The following ARSG variants were observed in gnomAD, a reference collection of about 807,000 sequenced individuals.
The protein encoded by ARSG is arylsulfatase G.
A neutral mutation model predicts 50.5 loss-of-function variants in ARSG; 37 were observed. That is an observed-to-expected ratio of 0.73 (90% CI 0.56 to 0.96). The LOEUF (loss-of-function observed/expected upper bound fraction) is 0.96. Among genes scored for constraint, ARSG ranks in the 50% least tolerant of loss-of-function variants. The probability of loss-of-function intolerance (pLI) is 0.00; values close to 1 mark genes in which losing one functional copy is unlikely to be tolerated. For missense variants in ARSG, 629 were observed against 675.3 expected (o/e 0.93, Z 0.76); for synonymous variants, 225 against 254.6 (o/e 0.88, Z 1.11).
upstream of ARSG, among the ~76,000 whole-genome samples, chr17:68,287,338 T>C (rs1478851997): frequency 6.6e-6 from 1 of 151,956 alleles, no homozygotes. Flanking sequence ...CTTTTTTTTT[T>C]TAATAGAGAC....
chr17:68,427,927 T>A, the ARSG span, among the ~76,000 whole-genome samples: 3 of 152,202 alleles, frequency 2.0e-5, no homozygotes, highest in Admixed American at 6.5e-5. Flanking sequence ...TCTCACTCTG[T>A]TGCCCAGGCT....
chr17:68,275,060 G>A (rs1201345750), intron 1 of ARSG, among the ~76,000 whole-genome samples: 16 of 152,210 alleles, frequency 1.1e-4, no homozygotes, highest in Non-Finnish European at 2.2e-4. Context: ...GATTACAGGC[G>A]TGAGCCACCG....
chr17:68,435,786 T>A, the ARSG span: 2 of 1,356,004 alleles, frequency 1.5e-6, no homozygotes, highest in Non-Finnish European at 2.1e-6. Flanking sequence ...CTCCCCTTCC[T>A]CTTTTCTCCT....
chr17:68,436,521 G>A, the ARSG span: 1 of 1,585,856 alleles, frequency 6.3e-7, no homozygotes, highest in Non-Finnish European at 8.7e-7. Context: ...TGGGGCCAAG[G>A]GAGAGATTGC....
At chr17:68,437,016 A>ATATATATATGTG in the ARSG span, among the ~76,000 whole-genome samples, 2 of 144,578 alleles carry the variant, frequency 1.4e-5, no homozygotes, top group Non-Finnish European at 3.0e-5. Flanking sequence ...ATATATATAT[A>ATATATATATGTG]TGTGTGTGTG....
chr17:68,265,168 A>G (rs532795516), intron 1 of ARSG, among the ~76,000 whole-genome samples: 37 of 151,324 alleles, frequency 2.4e-4, no homozygotes, highest in South Asian at 6.3e-4. Flanking sequence ...AAAAAAAAAA[A>G]AAAAGAAAAA....
At chr17:68,338,990 T>G (rs1035725401) in intron 2 of ARSG, among the ~76,000 whole-genome samples, 1 of 152,218 alleles carries the variant, frequency 6.6e-6, no homozygotes, top group African/African-American at 2.4e-5. Flanking sequence ...TATAAATCAG[T>G]AGCTTTCTCT....
intron 1 of ARSG, among the ~76,000 whole-genome samples, chr17:68,284,125 A>G (rs1555753728): frequency 6.7e-6 from 1 of 149,078 alleles, no homozygotes; most frequent in East Asian, 1.9e-4. Flanking sequence ...AAAAAAAAAA[A>G]GCTGGGCGCA....
intron 11 of ARSG, among the ~76,000 whole-genome samples, chr17:68,406,687 G>C (rs9900789): frequency 1.1e-3 from 164 of 152,240 alleles, no homozygotes; most frequent in African/African-American, 3.8e-3. Context: ...TTTGAGGCTT[G>C]TCTATTCATG....
At chr17:68,346,366 A>G (rs2078502978) in intron 3 of ARSG, among the ~76,000 whole-genome samples, 1 of 152,188 alleles carries the variant, frequency 6.6e-6, no homozygotes, top group Non-Finnish European at 1.5e-5. Context: ...CAAATAATGT[A>G]CTTAGACATA....
intron 1 of ARSG, among the ~76,000 whole-genome samples, chr17:68,262,757 G>T (rs2075093924): frequency 6.6e-6 from 1 of 152,146 alleles, no homozygotes; most frequent in African/African-American, 2.4e-5. Context: ...TCAGCTCCTG[G>T]ATATATTTAG....
chr17:68,346,436 C>T (rs1368701411), intron 3 of ARSG, among the ~76,000 whole-genome samples: 5 of 152,308 alleles, frequency 3.3e-5, no homozygotes, highest in Admixed American at 1.3e-4. Context: ...GCGTCTCAAT[C>T]TTTGTACCAC....
intron 9 of ARSG, 112 bp from the exon 10 acceptor site, chr17:68,394,961 T>C (rs1461037134): frequency 1.4e-6 from 2 of 1,464,722 alleles, no homozygotes; most frequent in African/African-American, 1.4e-5. Context: ...AGCCAGCCCA[T>C]AGGAGAGGCT....
the ARSG span, chr17:68,430,174 C>T: frequency 6.2e-7 from 1 of 1,606,570 alleles, no homozygotes; most frequent in Non-Finnish European, 8.5e-7. Flanking sequence ...GGGAGTAATG[C>T]ACAGGCAACG....
intron 2 of ARSG, among the ~76,000 whole-genome samples, chr17:68,336,637 G>T (rs2078033856): frequency 6.6e-6 from 1 of 152,316 alleles, no homozygotes; most frequent in South Asian, 2.1e-4. Context: ...AGGATCACTT[G>T]AGGCCAGGAA....
intron 11 of ARSG, among the ~76,000 whole-genome samples, chr17:68,413,216 G>T (rs2082121531): frequency 6.6e-6 from 1 of 152,166 alleles, no homozygotes; most frequent in Non-Finnish European, 1.5e-5. Flanking sequence ...AGAGTTTCCA[G>T]TTTTTCTGCT....
At chr17:68,326,344 G>A (rs1041422758) in intron 2 of ARSG, among the ~76,000 whole-genome samples, 18 of 152,226 alleles carry the variant, frequency 1.2e-4, no homozygotes, top group Non-Finnish European at 1.5e-4. Context: ...AAAAGGGCCT[G>A]AGGCCAGAGC....
chr17:68,393,372 G>C (rs6501421), intron 9 of ARSG, among the ~76,000 whole-genome samples: 2 of 151,980 alleles, frequency 1.3e-5, no homozygotes, highest in African/African-American at 2.4e-5. Flanking sequence ...CGCTGTATAC[G>C]CTACCTGCCT....
chr17:68,274,256 A>G (rs938269779), intron 1 of ARSG: 8 of 528,316 alleles, frequency 1.5e-5, no homozygotes, highest in Non-Finnish European at 2.3e-5. Context: ...GCTTGAGCCC[A>G]GGAGTTCAAG....
Sources: gnomAD v4.1 joint callset for allele counts (sites outside exome capture counted in the v4.1 genomes callset) on GRCh38, gnomAD v4.1.1 for gene constraint, MANE v1.5 for transcripts, NCBI Gene and HGNC (gene_info 2026-07-23, HGNC 2026-07-21) for gene names.